TOLLIP: variants seen among roughly 807,000 people sequenced by gnomAD.
The protein encoded by TOLLIP is toll-interacting protein.
A neutral mutation model predicts 33.5 loss-of-function variants in TOLLIP; 16 were observed. The observed-to-expected ratio is 0.48, with a 90% CI of 0.32 to 0.72. TOLLIP has a LOEUF of 0.72. TOLLIP is among the 30% of genes least tolerant of loss of function. The pLI is 0.03. For missense variants in TOLLIP, 325 were observed against 396.6 expected, an observed-to-expected ratio of 0.82 and a Z score of 1.53; for synonymous variants, 176 against 163.7, an observed-to-expected ratio of 1.07 and a Z score of -0.57.
chr11:1,291,602 CCTCT>C (rs1231675572), intron 2 of TOLLIP, among the ~76,000 whole-genome samples: 1 of 151,688 alleles, frequency 6.6e-6, no homozygotes, highest in Admixed American at 6.6e-5. Flanking sequence ...CTCACTGAAC[CCTCT>C]CTGAGGGCAC....
chr11:1,309,368 TC>T, intron 1 of TOLLIP, 97 bp downstream of exon 1: 1 of 684,106 alleles, frequency 1.5e-6, no homozygotes, highest in Non-Finnish European at 2.0e-6. Context: ...AGCCGCGGAG[TC>T]GGCCCGCCAG....
intron 1 of TOLLIP, among the ~76,000 whole-genome samples, chr11:1,306,716 A>G (rs1391830325): frequency 6.6e-6 from 1 of 151,772 alleles, no homozygotes; most frequent in Non-Finnish European, 1.5e-5. Context: ...GCCAGGCAAC[A>G]CTTTACAGAG....
intron 1 of TOLLIP, among the ~76,000 whole-genome samples, chr11:1,296,702 G>A (rs1425776315): frequency 3.8e-5 from 5 of 131,842 alleles, no homozygotes; most frequent in Non-Finnish European, 6.5e-5. Flanking sequence ...GGTTGCTGGT[G>A]GAGTGGGGTG....
At chr11:1,287,423 C>G (rs74929271) in intron 4 of TOLLIP, among the ~76,000 whole-genome samples, 29,096 of 46,458 alleles carry the variant, frequency 0.63, 9,253 homozygotes, top group Middle Eastern at 0.71. Flanking sequence ...CCCCGCCGCA[C>G]CCTCCCCGCC....
In TOLLIP at chr11:1,277,257, G is replaced by C. The variant is rs1173369061; in HGVS notation, c.611-4C>G. 1.3e-6 allele frequency: 2 copies of C among 1,539,156 alleles called. No individual in the cohort carries two copies. Among genetic ancestry groups the C allele is most frequent in the Non-Finnish European group, 8.8e-7 (1 of 1,140,238 alleles). ...GGGCTACAGACAGCGGGCATCCCTG[G>C]AAGCAAAGATCAAGTTTGGTAAAAA... On this transcript the variant is annotated splice_region_variant and splice_polypyrimidine_tract_variant and intron_variant, in intron 5 of 5. Coordinates refer to ENST00000317204, the MANE Select transcript of TOLLIP (RefSeq NM_019009.4). The surrounding 1 kb of genome is among the most constrained non-coding windows in gnomAD (Gnocchi z 4.2).
In TOLLIP at chr11:1,299,816, C is replaced by T. The variant is rs552192675; in HGVS notation, c.34-4022G>A. Among the ~76,000 whole-genome samples, 150 of 152,338 alleles carry T rather than the reference C, an allele frequency of 9.8e-4. No individual in the cohort carries two copies. The South Asian group carries it at 0.013, about 13-fold the overall frequency. On this transcript the variant is annotated intron_variant, in intron 1 of 5. Coordinates refer to ENST00000317204, the MANE Select transcript of TOLLIP (RefSeq NM_019009.4). ...ATGCCTGAGGCTGCGTCACCTGTGC[C>T]GTCAAAACGCCCCGTCCACCAGCCA...
chr11:1,294,247 G>A (rs1476880696), intron 2 of TOLLIP, among the ~76,000 whole-genome samples: 4 of 129,144 alleles, frequency 3.1e-5, no homozygotes, highest in East Asian at 2.3e-4. Flanking sequence ...ACGAAAGCCC[G>A]CGTGGCTCAC....
At chr11:1,288,052 C>G (rs1305951352) in intron 4 of TOLLIP, among the ~76,000 whole-genome samples, 1 of 152,136 alleles carries the variant, frequency 6.6e-6, no homozygotes, top group Non-Finnish European at 1.5e-5. Context: ...TCCTGATGCC[C>G]CCAGGAGCTG....
At chr11:1,296,461 G>A (rs886736856) in intron 1 of TOLLIP, among the ~76,000 whole-genome samples, 40 of 152,398 alleles carry the variant, frequency 2.6e-4, no homozygotes, top group Non-Finnish European at 4.3e-4. Context: ...CACACCTGCA[G>A]CGGCCGAAGG....
rs1023202458 is a variant in TOLLIP, at chr11:1,303,768, G to A, written c.33+5698C>T. On this transcript the variant is annotated intron_variant, in intron 1 of 5. Coordinates refer to ENST00000317204, the MANE Select transcript of TOLLIP (RefSeq NM_019009.4). This position sits in a 1 kb window ranked among gnomAD's most constrained non-coding sequence, Gnocchi z 4.2. The stretch of plus-strand genomic sequence containing the variant: ...ACAGAGGTTAGGGCCGGGTGCAGTG[G>A]CTCACGCCTGTAATCCCAAAACTTT... Among the ~76,000 whole-genome samples the A allele has an allele frequency of 6.6e-6, 1 of 152,266 alleles. No homozygotes were observed. The highest frequency in any genetic ancestry group is 2.4e-5 in the African/African-American group (1 of 41,474).
At chr11:1,304,661 T>A (rs1475392415) in intron 1 of TOLLIP, among the ~76,000 whole-genome samples, 10 of 152,226 alleles carry the variant, frequency 6.6e-5, no homozygotes, top group Non-Finnish European at 1.0e-4. Flanking sequence ...AGAGACTCCC[T>A]CATGGCAGAA....
Position 1,285,863 on chromosome 11 carries a change from C to G in TOLLIP, c.610+139G>C. 6 of 529,280 alleles carry G rather than the reference C, an allele frequency of 1.1e-5. No homozygotes were observed. In the South Asian group the frequency reaches 1.9e-4, roughly 17 times the overall value. The allele number at this position is 529,280 out of a possible 1,614,324, so 32.8% of individuals were successfully genotyped here. ...TTCCTGGCCTGAAAGGATCTGTGTG[C>G]GGTCAGCACGTCTACAGGATTCTAG... On this transcript the variant is annotated intron_variant, in intron 5 of 5. Coordinates refer to ENST00000317204, the MANE Select transcript of TOLLIP (RefSeq NM_019009.4).
intron 1 of TOLLIP, among the ~76,000 whole-genome samples, chr11:1,304,188 G>C (rs1326738135): frequency 6.6e-6 from 1 of 152,194 alleles, no homozygotes; most frequent in Non-Finnish European, 1.5e-5. Flanking sequence ...CCAGGAGCCA[G>C]GAGAGGGCGG....
chr11:1,288,600 A>G, intron 4 of TOLLIP, 24 bp downstream of exon 4: 1 of 1,595,350 alleles, frequency 6.3e-7, no homozygotes, highest in Admixed American at 1.7e-5. Flanking sequence ...AATGCGCCCC[A>G]CCCCGCCCAG....
chr11:1,295,451 T>C, intron 2 of TOLLIP, 194 bp downstream of exon 2: 1 of 632,928 alleles, frequency 1.6e-6, no homozygotes. Flanking sequence ...TTGAGTTATG[T>C]TTGGTAGAAC....
At chr11:1,309,181 G>T (rs888699147) in intron 1 of TOLLIP, among the ~76,000 whole-genome samples, 8 of 152,148 alleles carry the variant, frequency 5.3e-5, no homozygotes, top group Non-Finnish European at 1.0e-4. Context: ...CTCCATCTGG[G>T]GCTCACAACG....
At chr11:1,289,986 C>A (rs1863881663) in intron 3 of TOLLIP, 2 of 536,398 alleles carry the variant, frequency 3.7e-6, no homozygotes, top group African/African-American at 1.9e-5. Context: ...CACGCTGTAT[C>A]CCTGGGTCAT....
At chr11:1,295,263 C>T (rs1007657846) in intron 2 of TOLLIP, 24 of 176,124 alleles carry the variant, frequency 1.4e-4, no homozygotes, top group Non-Finnish European at 2.1e-4. Flanking sequence ...GTGCAGGCAC[C>T]GGCACTGAGG....
At chr11:1,284,747 C>T (rs1016520099) in intron 5 of TOLLIP, among the ~76,000 whole-genome samples, 7 of 152,190 alleles carry the variant, frequency 4.6e-5, no homozygotes, top group African/African-American at 1.4e-4. Flanking sequence ...GGCACCTGCG[C>T]GGGCGGCTTC....
Sources: gnomAD v4.1 joint callset for allele counts (sites outside exome capture counted in the v4.1 genomes callset) on GRCh38, gnomAD v4.1.1 for gene constraint, Gnocchi (gnomAD v3.1) non-coding constraint, MANE v1.5 for transcripts, NCBI Gene and HGNC (gene_info 2026-07-23, HGNC 2026-07-21) for gene names.